TRIP11: variants seen among roughly 807,000 people sequenced by gnomAD.
TRIP11 encodes thyroid receptor-interacting protein 11.
TRIP11 carries 148 observed loss-of-function variants against 223.1 expected under a neutral mutation model. That is an observed-to-expected ratio of 0.66 (90% CI 0.58 to 0.76). The LOEUF is 0.76. Among genes scored for constraint, TRIP11 ranks in the 30% least tolerant of loss-of-function variants. TRIP11 has a pLI of 0.00. For synonymous variants in TRIP11, 762 were observed against 772.6 expected, an observed-to-expected ratio of 0.99 and a Z score of 0.23; for missense variants, 2,043 against 2,222.0, an observed-to-expected ratio of 0.92 and a Z score of 1.62.
intron 11 of TRIP11, among the ~76,000 whole-genome samples, chr14:92,003,059 T>C (rs1266465719): frequency 6.6e-6 from 1 of 152,186 alleles, no homozygotes; most frequent in East Asian, 1.9e-4. Context: ...GCTTTCCTTA[T>C]ATATAAGAAT....
At chr14:91,995,566 T>A (rs368213049) in intron 13 of TRIP11, 51 bp from the exon 14 acceptor site, 1 of 1,600,398 alleles carries the variant, frequency 6.2e-7, no homozygotes, top group East Asian at 2.2e-5. Context: ...TTAGATACTT[T>A]AACAAGAAGA....
intron 3 of TRIP11, among the ~76,000 whole-genome samples, chr14:92,024,912 T>G (rs1021452429): frequency 6.6e-5 from 10 of 152,156 alleles, no homozygotes; most frequent in African/African-American, 2.4e-4. Context: ...CCAAAAACAT[T>G]TATAAAGCAA....
chr14:91,969,619 T>A lies in TRIP11; in HGVS notation c.*54A>T, dbSNP rs2056376198. 9.0e-6 allele frequency: 14 copies of A among 1,552,626 alleles called. No individual in the cohort carries two copies. The South Asian group carries it at 1.2e-4, about 14-fold the overall frequency. On this transcript the variant is annotated 3_prime_UTR_variant, in exon 21 of 21. Transcript: ENST00000267622. ...GCCACTTTGTGATAAAGTACATACA[T>A]ATAGTGTTCATGGTTTCTTTAAAGT...
rs112944313 is a variant in TRIP11, at chr14:92,013,425, T to C, written c.1186+790A>G. Among the ~76,000 whole-genome samples the C allele has an allele frequency of 5.0e-4, 76 of 152,278 alleles. 1 individual carries two copies. Among genetic ancestry groups the C allele is most frequent in the African/African-American group, 1.6e-3 (66 of 41,552 alleles). On this transcript the variant is annotated intron_variant, in intron 7 of 20. Coordinates refer to ENST00000267622, the MANE Select transcript of TRIP11 (RefSeq NM_004239.4). ...CCCTATAGATGAAATAACCAATGCA[T>C]AGAGATGTTAACCTGTCCAAGGTCA...
intron 4 of TRIP11, among the ~76,000 whole-genome samples, chr14:92,020,174 C>G (rs920588449): frequency 7.9e-5 from 12 of 151,928 alleles, no homozygotes; most frequent in African/African-American, 2.9e-4. Context: ...ATTGCTTGAA[C>G]CCGGGTGGCA....
At chr14:91,972,974 G>T in intron 19 of TRIP11, 113 bp from the exon 20 acceptor site, 18 of 846,658 alleles carry the variant, frequency 2.1e-5, no homozygotes, top group East Asian at 3.2e-5. Context: ...CATGCCACTT[G>T]AATAATTTTT....
At chr14:92,006,861 T>C (rs1403385291) in intron 10 of TRIP11, among the ~76,000 whole-genome samples, 1 of 150,590 alleles carries the variant, frequency 6.6e-6, no homozygotes. Flanking sequence ...AGAGATGGGG[T>C]TTCTCCATGT....
intron 19 of TRIP11, among the ~76,000 whole-genome samples, chr14:91,973,897 G>T (rs542738888): frequency 6.6e-6 from 1 of 152,224 alleles, no homozygotes; most frequent in African/African-American, 2.4e-5. Flanking sequence ...TGGTGGTGGT[G>T]GGCGCCTGTT....
intron 11 of TRIP11, among the ~76,000 whole-genome samples, chr14:92,002,051 T>C (rs1241172706): frequency 1.3e-5 from 2 of 152,192 alleles, no homozygotes; most frequent in Non-Finnish European, 2.9e-5. Flanking sequence ...CAAGAAGTGC[T>C]AGTTGAATAT....
rs1444779296 is a variant in TRIP11, at chr14:91,966,732, C to T, written c.*2941G>A. 2 of 206,514 alleles carry T rather than the reference C, an allele frequency of 9.7e-6. No individual in the cohort carries two copies. Among genetic ancestry groups the T allele is most frequent in the African/African-American group, 2.3e-5 (1 of 43,884 alleles). The allele number at this position is 206,514 out of a possible 1,614,324, so 12.8% of individuals were successfully genotyped here. A position where few individuals can be genotyped will look rare whatever the true frequency, so the allele number is the denominator to read the frequency against. The stretch of plus-strand genomic sequence containing the variant: ...AAAATGACAGGAATGAAAATTCAAA[C>T]AATTTGATCCAGTATTATGCTAAAA... On this transcript the variant is annotated 3_prime_UTR_variant, in exon 21 of 21. Transcript: ENST00000267622.
chr14:92,039,503 C>G (rs1376665448), intron 1 of TRIP11, 44 bp downstream of exon 1: 1 of 1,608,342 alleles, frequency 6.2e-7, no homozygotes, highest in Admixed American at 1.7e-5. Flanking sequence ...CGGACGTTCC[C>G]AGGGTCTTAG....
chr14:92,038,534 C>T (rs2057348122), intron 1 of TRIP11, among the ~76,000 whole-genome samples: 2 of 151,852 alleles, frequency 1.3e-5, no homozygotes, highest in Non-Finnish European at 2.9e-5. Context: ...CTAAATAGAC[C>T]CCACAGAAAT....
intron 14 of TRIP11, among the ~76,000 whole-genome samples, chr14:91,994,553 A>G (rs1249786656): frequency 1.3e-5 from 2 of 152,146 alleles, no homozygotes; most frequent in Non-Finnish European, 2.9e-5. Flanking sequence ...AAGAATTCTT[A>G]TATCTAAAAT....
chr14:92,012,954 T>C (rs1226893311), intron 7 of TRIP11, among the ~76,000 whole-genome samples: 5 of 152,170 alleles, frequency 3.3e-5, no homozygotes, highest in Admixed American at 2.0e-4. Context: ...GAAGGAATCA[T>C]GGAGAACAGA....
intron 16 of TRIP11, among the ~76,000 whole-genome samples, chr14:91,983,728 C>T (rs1595371149): frequency 6.6e-6 from 1 of 152,276 alleles, no homozygotes; most frequent in East Asian, 1.9e-4. Context: ...TCTAAAATCA[C>T]CACTTCTGCC....
chr14:91,997,277 A>G (rs12433929), intron 13 of TRIP11, among the ~76,000 whole-genome samples: 11,526 of 152,210 alleles, frequency 0.076, 585 homozygotes, highest in Admixed American at 0.14. Context: ...AGTTACTCAT[A>G]CAACAAGTAT....
intron 8 of TRIP11, 118 bp downstream of exon 8, chr14:92,011,637 A>C (rs2056974912): frequency 1.3e-6 from 1 of 796,124 alleles, no homozygotes; most frequent in Admixed American, 2.5e-5. Context: ...ACTTCTAATT[A>C]TTAGAAAAAG....
At chr14:92,022,120 C>T (rs1262788643) in intron 3 of TRIP11, among the ~76,000 whole-genome samples, 3 of 152,194 alleles carry the variant, frequency 2.0e-5, no homozygotes, top group African/African-American at 7.2e-5. Flanking sequence ...GCTATCTTCT[C>T]TGCATGGAGT....
At chr14:91,983,889 C>T (rs2056573075) in intron 16 of TRIP11, among the ~76,000 whole-genome samples, 1 of 152,128 alleles carries the variant, frequency 6.6e-6, no homozygotes, top group South Asian at 2.1e-4. Flanking sequence ...AAAACTTTAC[C>T]ATCCAGCACC....
Sources: gnomAD v4.1 joint callset for allele counts (sites outside exome capture counted in the v4.1 genomes callset) on GRCh38, gnomAD v4.1.1 for gene constraint, MANE v1.5 for transcripts, NCBI Gene and HGNC (gene_info 2026-07-23, HGNC 2026-07-21) for gene names.